Variants in RAB31 observed in about 807,000 individuals in gnomAD.
The protein encoded by RAB31 is ras-related protein Rab-31.
Under a neutral mutation model 25.6 loss-of-function variants are expected in RAB31, and 21 were observed. That is an observed-to-expected ratio of 0.82 (90% CI 0.58 to 1.18). The LOEUF (loss-of-function observed/expected upper bound fraction) is 1.18. RAB31 is among the 50% of genes most tolerant of loss of function. The probability of loss-of-function intolerance (pLI) is 0.00; values close to 1 mark genes in which losing one functional copy is unlikely to be tolerated. For synonymous variants in RAB31, 87 were observed against 84.0 expected, an observed-to-expected ratio of 1.04 and a Z score of -0.20; for missense variants, 196 against 250.1, an observed-to-expected ratio of 0.78 and a Z score of 1.46.
intron 5 of RAB31, among the ~76,000 whole-genome samples, chr18:9,842,803 G>A (rs1325832212): frequency 2.0e-5 from 3 of 152,206 alleles, no homozygotes; most frequent in South Asian, 4.1e-4. Flanking sequence ...CACGGGTTTG[G>A]GTTAAGCCCT....
At position 9,842,843 on chromosome 18, in the gene RAB31, G is replaced by A. The variant is rs117842072; in HGVS notation, c.381-2739G>A. Among the ~76,000 whole-genome samples, 216 of 152,316 alleles carry A rather than the reference G, an allele frequency of 1.4e-3. 2 individuals carry two copies. The East Asian group carries it at 0.021, about 15-fold the overall frequency. On this transcript the variant is annotated intron_variant, in intron 5 of 6. Transcript: ENST00000578921. ...CACCTCTCATTAGGCATGTCACTTC[G>A]GCAGGCCGATGATTTAATGAGACTC... is the stretch of plus-strand genomic sequence containing the variant.
Position 9,803,042 on chromosome 18 carries a change from T to C in RAB31, c.201+10807T>C, listed in dbSNP as rs536280950. Among the ~76,000 whole-genome samples the C allele has an allele frequency of 3.2e-4, 48 of 152,216 alleles. 1 individual carries two copies. The South Asian group carries it at 7.7e-3, about 24-fold the overall frequency. Reference sequence around the variant, plus strand: ...TTCTTTCTCCTGCAGGCATTGGAAATACAGTCCCAGCTGGCAACACCAGCC... The same window carrying C: ...TTCTTTCTCCTGCAGGCATTGGAAACACAGTCCCAGCTGGCAACACCAGCC... On this transcript the variant is annotated intron_variant, in intron 3 of 6. Coordinates refer to ENST00000578921, the MANE Select transcript of RAB31 (RefSeq NM_006868.4).
chr18:9,761,846 T>C (rs993889556), intron 1 of RAB31, among the ~76,000 whole-genome samples: 1 of 152,216 alleles, frequency 6.6e-6, no homozygotes, highest in Non-Finnish European at 1.5e-5. Context: ...CTTGCTCTGT[T>C]GCCCAGGCTG....
chr18:9,823,801 A>G (rs1295411589), intron 5 of RAB31, among the ~76,000 whole-genome samples: 1 of 152,194 alleles, frequency 6.6e-6, no homozygotes. Flanking sequence ...ACAAAAGATA[A>G]ACAGGGTAAC....
intron 6 of RAB31, chr18:9,856,482 C>G (rs1217087975): frequency 6.6e-6 from 1 of 152,068 alleles, no homozygotes; most frequent in African/African-American, 2.4e-5. Flanking sequence ...TGTGTACTTT[C>G]CAAAGCAAAA....
chr18:9,721,539 A>G (rs1164140006), intron 1 of RAB31, among the ~76,000 whole-genome samples: 2 of 151,876 alleles, frequency 1.3e-5, no homozygotes, highest in Non-Finnish European at 2.9e-5. Flanking sequence ...TTGTTTTAAC[A>G]TGGGAGGTGG....
chr18:9,819,004 G>A (rs1201811550), intron 5 of RAB31, among the ~76,000 whole-genome samples: 2 of 152,106 alleles, frequency 1.3e-5, no homozygotes, highest in Non-Finnish European at 2.9e-5. Context: ...AGTTGTAAGA[G>A]TTCTTTATGT....
At chr18:9,732,836 T>C (rs2068130407) in intron 1 of RAB31, among the ~76,000 whole-genome samples, 1 of 152,214 alleles carries the variant, frequency 6.6e-6, no homozygotes, top group Admixed American at 6.5e-5. Context: ...TGCTGGGTGC[T>C]GAGTGTATTG....
chr18:9,740,773 A>C (rs576206559), intron 1 of RAB31, among the ~76,000 whole-genome samples: 8 of 152,262 alleles, frequency 5.3e-5, no homozygotes, highest in African/African-American at 1.9e-4. Context: ...CTGTGCTCAC[A>C]CATCTTCTGT....
At chr18:9,841,538 C>CAAAAAAAAAAAA (rs56283904) in intron 5 of RAB31, among the ~76,000 whole-genome samples, 1 of 100,862 alleles carries the variant, frequency 9.9e-6, no homozygotes, top group Non-Finnish European at 1.9e-5. Flanking sequence ...GACTCTGTCT[C>CAAAAAAAAAAAA]AAAAAAAAAA....
intron 5 of RAB31, chr18:9,844,937 C>T (rs2068753269): frequency 6.6e-6 from 1 of 152,108 alleles, no homozygotes; most frequent in Non-Finnish European, 1.5e-5. Flanking sequence ...AATCTCGGCT[C>T]ACTGCAAGCT....
chr18:9,736,372 TCC>T (rs2068151357), intron 1 of RAB31, among the ~76,000 whole-genome samples: 1 of 152,174 alleles, frequency 6.6e-6, no homozygotes, highest in South Asian at 2.1e-4. Context: ...TTATTCCCTG[TCC>T]AGACCTTTGA....
chr18:9,729,706 A>C (rs899324388), intron 1 of RAB31, among the ~76,000 whole-genome samples: 1 of 151,852 alleles, frequency 6.6e-6, no homozygotes, highest in Non-Finnish European at 1.5e-5. Context: ...GTATTGATTA[A>C]TTCATAATCA....
rs1486892580 is a variant in RAB31, at chr18:9,859,717, C to T, written c.*392C>T. The T allele has an allele frequency of 1.9e-5, 3 of 157,594 alleles. No homozygotes were observed. Among genetic ancestry groups the T allele is most frequent in the African/African-American group, 7.2e-5 (3 of 41,636 alleles). 9.8% of individuals were successfully genotyped at this position (157,594 alleles called of 1,614,324 possible). On this transcript the variant is annotated 3_prime_UTR_variant, in exon 7 of 7. Coordinates refer to ENST00000578921, the MANE Select transcript of RAB31 (RefSeq NM_006868.4). Reference sequence around the variant, plus strand: ...GTGCTACCTATCCAAATTCCAGTAACTACTTCAGTGTCATTGCCTTTGTTA... The same window carrying T: ...GTGCTACCTATCCAAATTCCAGTAATTACTTCAGTGTCATTGCCTTTGTTA...
chr18:9,788,952 A>C (rs575592877), intron 2 of RAB31, among the ~76,000 whole-genome samples: 1 of 152,364 alleles, frequency 6.6e-6, no homozygotes, highest in Admixed American at 6.5e-5. Flanking sequence ...CCTGGTTGGC[A>C]GAGTAAGACC....
chr18:9,738,560 C>T (rs909884600), intron 1 of RAB31, among the ~76,000 whole-genome samples: 7 of 152,158 alleles, frequency 4.6e-5, no homozygotes, highest in South Asian at 2.1e-4. Context: ...TCCTGGAGGG[C>T]GGCGCAGGGG....
intron 5 of RAB31, chr18:9,844,974 C>T (rs1410741305): frequency 6.6e-6 from 1 of 152,266 alleles, no homozygotes; most frequent in Non-Finnish European, 1.5e-5. Flanking sequence ...CGCCATTCTC[C>T]TGCCTCAGCC....
At chr18:9,771,415 T>G (rs945123317) in intron 1 of RAB31, among the ~76,000 whole-genome samples, 5 of 152,212 alleles carry the variant, frequency 3.3e-5, no homozygotes, top group African/African-American at 1.2e-4. Flanking sequence ...TCCGTCAGTG[T>G]GGCCCTAAAG....
intron 6 of RAB31, among the ~76,000 whole-genome samples, chr18:9,848,015 G>T (rs1216930309): frequency 6.6e-6 from 1 of 152,030 alleles, no homozygotes; most frequent in African/African-American, 2.4e-5. Context: ...GGTAATTATG[G>T]TTTCAAAGTA....
Sources: gnomAD v4.1 joint callset for allele counts (sites outside exome capture counted in the v4.1 genomes callset) on GRCh38, gnomAD v4.1.1 for gene constraint, MANE v1.5 for transcripts, NCBI Gene and HGNC (gene_info 2026-07-23, HGNC 2026-07-21) for gene names.